Variants in EPS15 observed in about 807,000 individuals in gnomAD.
EPS15 encodes the protein epidermal growth factor receptor pathway substrate 15.
EPS15 carries 72 observed loss-of-function variants against 113.8 expected under a neutral mutation model. The observed-to-expected ratio is 0.63, with a 90% CI of 0.52 to 0.77. The LOEUF (loss-of-function observed/expected upper bound fraction) is 0.77, where lower values mean the gene tolerates loss of function less well. EPS15 is among the 30% of genes least tolerant of loss of function. The pLI, the probability that EPS15 is intolerant of heterozygous loss-of-function variation, is 0.00. For synonymous variants in EPS15, 344 were observed against 363.4 expected, an observed-to-expected ratio of 0.95 and a Z score of 0.61; for missense variants, 1,048 against 1,045.8, an observed-to-expected ratio of 1.00 and a Z score of -0.03.
intron 12 of EPS15, chr1:51,423,260 C>T (rs1218359337): frequency 7.8e-7 from 1 of 1,288,594 alleles, no homozygotes; most frequent in African/African-American, 1.5e-5. Context: ...TTTAAACAGT[C>T]CCTTACCATG....
At chr1:51,439,376 T>C (rs1209108964) in intron 12 of EPS15, among the ~76,000 whole-genome samples, 2 of 152,080 alleles carry the variant, frequency 1.3e-5, no homozygotes, top group Non-Finnish European at 2.9e-5. Context: ...CATTGCCAAA[T>C]TATTGCCATA....
intron 12 of EPS15, among the ~76,000 whole-genome samples, chr1:51,440,146 T>C (rs1051507277): frequency 1.3e-5 from 2 of 152,072 alleles, no homozygotes; most frequent in Non-Finnish European, 2.9e-5. Context: ...GCCTCATATA[T>C]GATGAAGTAC....
chr1:51,457,508 ATCTTT>A (rs1289610488), intron 8 of EPS15: 3 of 111,206 alleles, frequency 2.7e-5, no homozygotes, highest in African/African-American at 7.1e-5. Context: ...TTGGAATATT[ATCTTT>A]TTTTTTTTTT....
At chr1:51,428,093 T>C (rs1272248641) in intron 12 of EPS15, among the ~76,000 whole-genome samples, 9 of 151,456 alleles carry the variant, frequency 5.9e-5, no homozygotes, top group African/African-American at 2.2e-4. Flanking sequence ...ATATTTAAAG[T>C]GCTGGAAGGA....
At chr1:51,499,140 C>G (rs1335203409) in intron 1 of EPS15, among the ~76,000 whole-genome samples, 1 of 152,174 alleles carries the variant, frequency 6.6e-6, no homozygotes, top group South Asian at 2.1e-4. Flanking sequence ...TTCCTGGCCT[C>G]CAGAACTGGA....
At chr1:51,391,666 T>C (rs1172251401) in intron 21 of EPS15, among the ~76,000 whole-genome samples, 2 of 152,072 alleles carry the variant, frequency 1.3e-5, no homozygotes, top group South Asian at 2.1e-4. Context: ...AATGATGAGA[T>C]ATTGTTAGAA....
At chr1:51,507,889 A>T (rs1367144707) in intron 1 of EPS15, among the ~76,000 whole-genome samples, 1 of 151,860 alleles carries the variant, frequency 6.6e-6, no homozygotes, top group Non-Finnish European at 1.5e-5. Context: ...AAATGAAAAA[A>T]CATTTAGGCC....
chr1:51,495,472 T>C (rs537863237), intron 1 of EPS15, among the ~76,000 whole-genome samples: 2 of 152,004 alleles, frequency 1.3e-5, no homozygotes, highest in South Asian at 2.1e-4. Flanking sequence ...TATAAATCAA[T>C]AGAAATCTTT....
rs1378087983 is a variant in EPS15 at position 51,456,976 on chromosome 1, G to A, written c.561+4115C>T. On this transcript the variant is annotated intron_variant, in intron 8 of 24. Transcript: ENST00000371733. ...ATTTGAGTCACAAAAAATGTTCTAA[G>A]GTCTTCTGGAATTAGAACATGAGGG... is the stretch of plus-strand genomic sequence containing the variant. Among the ~76,000 whole-genome samples the A allele has an allele frequency of 3.3e-5, 5 of 152,144 alleles. No individual in the cohort carries two copies. In the East Asian group the frequency reaches 9.7e-4, roughly 29 times the overall value.
chr1:51,389,270 C>A (rs1289119294), intron 21 of EPS15, among the ~76,000 whole-genome samples: 5 of 151,938 alleles, frequency 3.3e-5, no homozygotes, highest in Admixed American at 6.6e-5. Flanking sequence ...ATTCAACAAC[C>A]CTTCATGCTA....
chr1:51,511,144 C>T (rs922608822), intron 1 of EPS15, among the ~76,000 whole-genome samples: 4 of 151,786 alleles, frequency 2.6e-5, no homozygotes, highest in East Asian at 3.9e-4. Flanking sequence ...CCAGCCTGAG[C>T]GACAGAGCCA....
chr1:51,360,069 G>C (rs1048158660), intron 24 of EPS15, among the ~76,000 whole-genome samples: 3 of 152,188 alleles, frequency 2.0e-5, no homozygotes, highest in Admixed American at 6.5e-5. Flanking sequence ...TTACAGGCGT[G>C]AGCCACCACG....
chr1:51,450,649 C>T (rs1653470323), intron 8 of EPS15, among the ~76,000 whole-genome samples: 1 of 151,684 alleles, frequency 6.6e-6, no homozygotes, highest in Admixed American at 6.6e-5. Context: ...TTGGTACCAC[C>T]CCTATGAAGG....
At chr1:51,488,777 T>C (rs1644174375) in intron 1 of EPS15, among the ~76,000 whole-genome samples, 1 of 152,192 alleles carries the variant, frequency 6.6e-6, no homozygotes, top group African/African-American at 2.4e-5. Flanking sequence ...AAGCTTTACA[T>C]ACACACACCT....
In EPS15 at chr1:51,355,937, AT is replaced by A. The variant is rs1003072902; in HGVS notation, c.*762del. On this transcript the variant is annotated 3_prime_UTR_variant, in exon 25 of 25. Transcript: ENST00000371733. ...CCACTATCTATCACTTAAAATGAACATTTTCTTACAAACTTTATTTGTAAGA... is the reference window on the plus strand; with the variant it reads ...CCACTATCTATCACTTAAAATGAACATTTCTTACAAACTTTATTTGTAAGA... The A allele has an allele frequency of 3.1e-5, 6 of 192,422 alleles. No individual in the cohort carries two copies. The highest frequency in any genetic ancestry group is 1.8e-4 in the Admixed American group (3 of 16,342). 11.9% of individuals were successfully genotyped at this position (192,422 alleles called of 1,614,324 possible). A position where few individuals can be genotyped will look rare whatever the true frequency, so the allele number is the denominator to read the frequency against.
At chr1:51,490,583 A>C (rs1189347813) in intron 1 of EPS15, among the ~76,000 whole-genome samples, 4 of 151,522 alleles carry the variant, frequency 2.6e-5, no homozygotes, top group African/African-American at 9.7e-5. Flanking sequence ...AAAAAAAAAA[A>C]AACAGAAGTG....
At chr1:51,491,851 C>A (rs544988315) in intron 1 of EPS15, among the ~76,000 whole-genome samples, 56 of 149,628 alleles carry the variant, frequency 3.7e-4, no homozygotes, top group Admixed American at 9.3e-4. Context: ...TAATTCCCAA[C>A]TCATTTAATT....
At chr1:51,396,881 T>A (rs1398415020) in intron 20 of EPS15, among the ~76,000 whole-genome samples, 1 of 137,850 alleles carries the variant, frequency 7.3e-6, no homozygotes, top group Non-Finnish European at 1.6e-5. Flanking sequence ...TTAATCTATC[T>A]TTTTTTTTTT....
chr1:51,508,248 A>G (rs144327724), intron 1 of EPS15, among the ~76,000 whole-genome samples: 164 of 103,922 alleles, frequency 1.6e-3, no homozygotes, highest in African/African-American at 4.4e-3. Context: ...GAAAGAGAGA[A>G]AGAGAGAGAG....
Sources: gnomAD v4.1 joint callset for allele counts (sites outside exome capture counted in the v4.1 genomes callset) on GRCh38, gnomAD v4.1.1 for gene constraint, MANE v1.5 for transcripts, NCBI Gene and HGNC (gene_info 2026-07-23, HGNC 2026-07-21) for gene names.